Variants in FBXL14 observed in about 807,000 individuals in gnomAD.
FBXL14 encodes the protein F-box/LRR-repeat protein 14.
FBXL14 carries 11 observed loss-of-function variants against 24.5 expected under a neutral mutation model. That is an observed-to-expected ratio of 0.45 (90% CI 0.28 to 0.74). The LOEUF is 0.74. Ranked by LOEUF, FBXL14 falls within the 30% of genes least tolerant of loss-of-function variation. The pLI is 0.12. For synonymous variants in FBXL14, 294 were observed against 240.4 expected, an observed-to-expected ratio of 1.22 and a Z score of -2.06; for missense variants, 384 against 545.6, an observed-to-expected ratio of 0.70 and a Z score of 2.95.
In FBXL14 at chr12:1,576,700, C is replaced by T. The variant is rs148321151; in HGVS notation, c.1195-9890G>A. ...GGGTTGGGCGCAGTTCCCAGTAAAA[C>T]CCCACTTCTTTCTCTCCCACTCAAG... On this transcript the variant is annotated intron_variant, in intron 1 of 1. Coordinates refer to ENST00000339235, the MANE Select transcript of FBXL14 (RefSeq NM_152441.3). Among the ~76,000 whole-genome samples, 595 of 152,228 alleles carry T rather than the reference C, an allele frequency of 3.9e-3. 3 individuals are homozygous for T. The highest frequency in any genetic ancestry group is 0.012 in the African/African-American group (495 of 41,526).
At position 1,593,868 on chromosome 12, in the gene FBXL14, C is replaced by T. The variant is rs2094495991; in HGVS notation, c.199G>A (p.Ala67Thr). 2.5e-6 allele frequency: 4 copies of T among 1,612,286 alleles called. No homozygotes were observed. The highest frequency in any genetic ancestry group is 2.5e-6 in the Non-Finnish European group (3 of 1,179,834). ...ATCTGCACCCGGCGGATGCCCCGGGCCTGCAGGCTGGGGAACAGCGACGGG... is the reference window on the plus strand; with the variant it reads ...ATCTGCACCCGGCGGATGCCCCGGGTCTGCAGGCTGGGGAACAGCGACGGG... ...ANPSLFPSLQ[A>T]RGIRRVQILS... Residue 67 changes from alanine (A) to threonine (T), a missense_variant, in exon 1 of 2, where the codon GCC (alanine) becomes ACC (threonine). Coordinates refer to ENST00000339235, the MANE Select transcript of FBXL14 (RefSeq NM_152441.3). The surrounding 1 kb of genome is among the most constrained non-coding windows in gnomAD (Gnocchi z 7.4).
intron 1 of FBXL14, among the ~76,000 whole-genome samples, chr12:1,592,117 A>G (rs2094491454): frequency 6.6e-6 from 1 of 151,206 alleles, no homozygotes; most frequent in African/African-American, 2.4e-5. Context: ...TTCAGTCTCA[A>G]AATATCTCTC....
At chr12:1,587,370 G>A (rs566316744) in intron 1 of FBXL14, 102 of 152,126 alleles carry the variant, frequency 6.7e-4, no homozygotes, top group Admixed American at 1.6e-3. Flanking sequence ...ATTCCACTTC[G>A]ATTGTTTTAT....
chr12:1,571,626 T>A (rs2094445705), intron 1 of FBXL14, among the ~76,000 whole-genome samples: 2 of 152,242 alleles, frequency 1.3e-5, no homozygotes, highest in African/African-American at 2.4e-5. Flanking sequence ...ACATGTTTTT[T>A]ATTTGACTTT....
In FBXL14 at chr12:1,585,372, T is replaced by G. The variant is rs184168394; in HGVS notation, c.1194+7501A>C. ...AAGATTGTGCCACTGTACTCCAGCC[T>G]GGGCGACAGAGCGAGACTCCGTCTC... On this transcript the variant is annotated intron_variant, in intron 1 of 1. Coordinates refer to ENST00000339235, the MANE Select transcript of FBXL14 (RefSeq NM_152441.3). Among the ~76,000 whole-genome samples the G allele has an allele frequency of 3.7e-3, 543 of 147,092 alleles. 6 individuals are homozygous for G. The highest frequency in any genetic ancestry group is 8.3e-3 in the Admixed American group (120 of 14,484).
At chr12:1,580,952 C>G (rs2094465058) in intron 1 of FBXL14, among the ~76,000 whole-genome samples, 1 of 152,052 alleles carries the variant, frequency 6.6e-6, no homozygotes, top group Non-Finnish European at 1.5e-5. Flanking sequence ...AACAATGGCA[C>G]AGGGAGGCTT....
intron 1 of FBXL14, chr12:1,587,243 C>CAAAAAAA (rs34294827): frequency 1.0e-5 from 1 of 95,952 alleles, no homozygotes; most frequent in African/African-American, 3.8e-5. Context: ...GTCTCCGTCT[C>CAAAAAAA]AAAAAAAAAA....
chr12:1,589,673 C>A (rs896243215), intron 1 of FBXL14, among the ~76,000 whole-genome samples: 1 of 152,174 alleles, frequency 6.6e-6, no homozygotes, highest in Non-Finnish European at 1.5e-5. Flanking sequence ...AGGTTCTCAA[C>A]ACGTTAATTG....
chr12:1,593,131 G>A lies in FBXL14; in HGVS notation c.936C>T (p.Leu312=). The change falls in exon 1 of 2, where the codon CTC becomes CTT. Residue 312 remains leucine, a synonymous_variant. Transcript: ENST00000339235. The surrounding 1 kb of genome is among the most constrained non-coding windows in gnomAD (Gnocchi z 7.4). Reference sequence around the variant, plus strand: ...CATCATCACTGATGTGGCAGGAGCAGAGGGAGAGAGACTTGAGGCCATCCA... The same window carrying A: ...CATCATCACTGATGTGGCAGGAGCAAAGGGAGAGAGACTTGAGGCCATCCA... ...QGLDGLKSLS[L]CSCHISDDGI... 10 of 1,613,728 alleles carry A rather than the reference G, an allele frequency of 6.2e-6. No homozygotes were observed. The highest frequency in any genetic ancestry group is 8.5e-6 in the Non-Finnish European group (10 of 1,180,042).
In FBXL14 at chr12:1,566,945, G is replaced by A. The variant is rs111492182; in HGVS notation, c.1195-135C>T. 1,480 of 619,806 alleles carry A rather than the reference G, an allele frequency of 2.4e-3. 19 individuals are homozygous for A. The African/African-American group carries it at 0.025, about 10-fold the overall frequency. 38.4% of individuals were successfully genotyped at this position (619,806 alleles called of 1,614,324 possible). On this transcript the variant is annotated intron_variant, in intron 1 of 1. Coordinates refer to ENST00000339235, the MANE Select transcript of FBXL14 (RefSeq NM_152441.3). ...GACCTGGGGGAAGGGAAACTCCCAC[G>A]CCAGCCCACTCTAGCCATCTCCCGG...
In FBXL14 at chr12:1,567,880, C is replaced by T. The variant is rs769841644; in HGVS notation, c.1195-1070G>A. ...AAAGGGAAAAGAAAACCCACCCACA[C>T]GCACACGCGCGCACACACGTGCGCA... On this transcript the variant is annotated intron_variant, in intron 1 of 1. Coordinates refer to ENST00000339235, the MANE Select transcript of FBXL14 (RefSeq NM_152441.3). This position sits in a 1 kb window ranked among gnomAD's most constrained non-coding sequence, Gnocchi z 4.8. Among the ~76,000 whole-genome samples the T allele has an allele frequency of 2.9e-4, 44 of 152,272 alleles. No homozygotes were observed. Among genetic ancestry groups the T allele is most frequent in the Non-Finnish European group, 5.7e-4 (39 of 68,008 alleles).
intron 1 of FBXL14, among the ~76,000 whole-genome samples, chr12:1,572,883 A>G (rs1440764926): frequency 6.6e-6 from 1 of 152,182 alleles, no homozygotes; most frequent in Non-Finnish European, 1.5e-5. Context: ...ATGCGGTCAG[A>G]ATCCAGAAGG....
At chr12:1,571,318 C>T (rs2154437704) in intron 1 of FBXL14, among the ~76,000 whole-genome samples, 1 of 152,266 alleles carries the variant, frequency 6.6e-6, no homozygotes, top group Admixed American at 6.5e-5. Flanking sequence ...AAGCGATTCT[C>T]CTGCCTCAGC....
At chr12:1,577,843 G>A (rs1316906766) in intron 1 of FBXL14, among the ~76,000 whole-genome samples, 1 of 152,086 alleles carries the variant, frequency 6.6e-6, no homozygotes, top group African/African-American at 2.4e-5. Context: ...ATACAACAAA[G>A]GCTAAACATA....
intron 1 of FBXL14, among the ~76,000 whole-genome samples, chr12:1,588,466 C>T (rs2094481408): frequency 2.0e-5 from 3 of 152,046 alleles, no homozygotes; most frequent in African/African-American, 7.2e-5. Flanking sequence ...ATGATCGGTT[C>T]GAGTTTATTT....
Position 1,593,366 on chromosome 12 carries a change from T to G in FBXL14, c.701A>C (p.Asn234Thr), listed in dbSNP as rs2094494801. ...CGAGATTCCCCCACAGAAGCTGAGGTTGAGGAGCCTCAGGCCCGTCAGCCC... is the reference window on the plus strand; with the variant it reads ...CGAGATTCCCCCACAGAAGCTGAGGGTGAGGAGCCTCAGGCCCGTCAGCCC... ...SRGLTGLRLL[N>T]LSFCGGISDA... The change falls in exon 1 of 2, where the codon AAC (asparagine) becomes ACC (threonine). Residue 234 changes from asparagine to threonine, a missense_variant. Coordinates refer to ENST00000339235, the MANE Select transcript of FBXL14 (RefSeq NM_152441.3). This position sits in a 1 kb window ranked among gnomAD's most constrained non-coding sequence, Gnocchi z 7.4. 1 of 1,613,674 alleles carries G rather than the reference T, an allele frequency of 6.2e-7. No individual in the cohort carries two copies. The highest frequency in any genetic ancestry group is 8.5e-7 in the Non-Finnish European group (1 of 1,179,980).
Position 1,569,439 on chromosome 12 carries a change from C to T in FBXL14, c.1195-2629G>A, listed in dbSNP as rs1258903060. ...TGTCTGAGACGGAGTCTCGCTCTGT[C>T]ACCCAGGCTAGAGTGCAGTGCCGCA... On this transcript the variant is annotated intron_variant, in intron 1 of 1. Transcript: ENST00000339235. The surrounding 1 kb of genome is among the most constrained non-coding windows in gnomAD (Gnocchi z 4.2). 2.0e-5 allele frequency among the ~76,000 whole-genome samples: 3 copies of T among 148,958 alleles called. No homozygotes were observed. The South Asian group carries it at 6.4e-4, about 32-fold the overall frequency.
In FBXL14 at chr12:1,593,965, G is replaced by A; in HGVS notation, c.102C>T (p.Ala34=). 5.7e-6 allele frequency: 9 copies of A among 1,590,368 alleles called. No individual in the cohort carries two copies. Among genetic ancestry groups the A allele is most frequent in the Non-Finnish European group, 7.7e-6 (9 of 1,176,192 alleles). ...DKGRAAQVCT[A]WRDAAYHKSV... ...ACTTGTGGTAGGCGGCGTCCCGCCA[G>A]GCGGTGCACACCTGCGCCGCGCGCC... The change falls in exon 1 of 2, where the codon GCC becomes GCT. Residue 34 remains alanine, a synonymous_variant. Coordinates refer to ENST00000339235, the MANE Select transcript of FBXL14 (RefSeq NM_152441.3). The surrounding 1 kb of genome is among the most constrained non-coding windows in gnomAD (Gnocchi z 7.4).
chr12:1,589,799 T>C (rs2154438325), intron 1 of FBXL14, among the ~76,000 whole-genome samples: 1 of 152,312 alleles, frequency 6.6e-6, no homozygotes, highest in East Asian at 1.9e-4. Flanking sequence ...TCATTCAGGA[T>C]AAGGATATAG....
Sources: allele counts gnomAD v4.1 joint callset (sites outside exome capture counted in the v4.1 genomes callset), GRCh38; gene constraint gnomAD v4.1.1; non-coding constraint Gnocchi (gnomAD v3.1); transcripts MANE v1.5; gene names NCBI Gene and HGNC (gene_info 2026-07-23, HGNC 2026-07-21).